RBPJ: variants seen among roughly 807,000 people sequenced by gnomAD.
RBPJ encodes the protein recombining binding protein suppressor of hairless.
RBPJ carries 9 observed loss-of-function variants against 67.8 expected under a neutral mutation model. That is an observed-to-expected ratio of 0.13 (90% CI 0.08 to 0.23). The LOEUF (loss-of-function observed/expected upper bound fraction) is 0.23. RBPJ is among the 10% of genes least tolerant of loss of function. RBPJ has a pLI of 1.00. For missense variants in RBPJ, 305 were observed against 595.6 expected, an observed-to-expected ratio of 0.51 and a Z score of 5.08; for synonymous variants, 198 against 203.3, an observed-to-expected ratio of 0.97 and a Z score of 0.22.
chr4:26,134,570 C>G, the RBPJ span, among the ~76,000 whole-genome samples: 56 of 152,266 alleles, frequency 3.7e-4, no homozygotes, highest in African/African-American at 1.3e-3. Context: ...GCCAGAAGAC[C>G]CACATGGGTG....
chr4:26,203,997 T>C (rs1213982279), intron 1 of RBPJ, among the ~76,000 whole-genome samples: 1 of 151,824 alleles, frequency 6.6e-6, no homozygotes, highest in African/African-American at 2.4e-5. Context: ...GGGGCTGGAG[T>C]GTAGTGGTGT....
intron 1 of RBPJ, among the ~76,000 whole-genome samples, chr4:26,361,771 T>G (rs966533762): frequency 4.6e-5 from 7 of 152,184 alleles, no homozygotes; most frequent in African/African-American, 7.2e-5. Context: ...ATTTAAAATG[T>G]GATACATACA....
intron 3 of RBPJ, among the ~76,000 whole-genome samples, chr4:26,411,034 T>C (rs1733957344): frequency 6.6e-6 from 1 of 152,224 alleles, no homozygotes; most frequent in Non-Finnish European, 1.5e-5. Context: ...GACTTTTCAC[T>C]GAGTGTTTGA....
chr4:26,384,998 C>G (rs1432699744), intron 1 of RBPJ, among the ~76,000 whole-genome samples: 9 of 99,406 alleles, frequency 9.1e-5, no homozygotes, highest in Non-Finnish European at 1.4e-4. Context: ...TCTCCCCTCT[C>G]CTCCCCTCCC....
chr4:26,428,752 A>T lies in RBPJ; in HGVS notation c.780A>T (p.Leu260Phe), dbSNP rs1181185082. The T allele has an allele frequency of 1.3e-5, 21 of 1,610,548 alleles. No homozygotes were observed. Among genetic ancestry groups the T allele is most frequent in the Non-Finnish European group, 1.7e-5 (20 of 1,177,782 alleles). The stretch of plus-strand genomic sequence containing the variant: ...GGAAAGTTGATAAGCAGACCGCATT[A>T]TTGGATGCAGATGATCCTGTGTCAC... The part of the protein sequence containing the change: ...IIRKVDKQTA[L>F]LDADDPVSQL... Residue 260 changes from leucine to phenylalanine, a missense_variant, in exon 8 of 11, where the codon TTA becomes TTT. Leu to Phe is a conservative substitution (Grantham distance 22, BLOSUM62 0). Transcript: ENST00000355476.
intron 1 of RBPJ, among the ~76,000 whole-genome samples, chr4:26,227,003 G>T (rs1446914887): frequency 6.6e-6 from 1 of 152,146 alleles, no homozygotes; most frequent in African/African-American, 2.4e-5. Flanking sequence ...CCTGTAAGTG[G>T]CTCTTTTGTA....
At chr4:26,312,733 T>G (rs1325096738) in intron 1 of RBPJ, among the ~76,000 whole-genome samples, 1 of 152,204 alleles carries the variant, frequency 6.6e-6, no homozygotes, top group Non-Finnish European at 1.5e-5. Context: ...CCACTGCAAC[T>G]GGTCTGTGTA....
At chr4:26,315,502 G>C (rs555171195), upstream of RBPJ, among the ~76,000 whole-genome samples, 2 of 152,176 alleles carry the variant, frequency 1.3e-5, no homozygotes, top group South Asian at 4.1e-4. Context: ...ACATGCTTCT[G>C]AGGAAACAGG....
chr4:26,181,239 G>GT (rs141724204), intron 1 of RBPJ, among the ~76,000 whole-genome samples: 2,793 of 152,258 alleles, frequency 0.018, 37 homozygotes, highest in Middle Eastern at 0.031. Context: ...GTTTCTCACT[G>GT]TAAGTCTGCG....
At chr4:26,221,986 T>C (rs2109192280) in intron 1 of RBPJ, among the ~76,000 whole-genome samples, 1 of 151,776 alleles carries the variant, frequency 6.6e-6, no homozygotes, top group East Asian at 1.9e-4. Flanking sequence ...AACTGAGAGG[T>C]GCTAATGGGT....
At chr4:26,349,303 C>T (rs982063030) in intron 1 of RBPJ, among the ~76,000 whole-genome samples, 10 of 152,120 alleles carry the variant, frequency 6.6e-5, no homozygotes, top group Non-Finnish European at 8.8e-5. Context: ...AACTTCTGGA[C>T]GCAAGTGATC....
At chr4:26,109,453 T>TACACACACATATATATATA in the RBPJ span, among the ~76,000 whole-genome samples, 1 of 39,212 alleles carries the variant, frequency 2.6e-5, no homozygotes, top group African/African-American at 1.7e-4. Flanking sequence ...TCTCTCTCTC[T>TACACACACATATATATATA]CTCTCTCTAT....
At chr4:26,334,693 C>T (rs1035715188) in intron 1 of RBPJ, among the ~76,000 whole-genome samples, 3 of 152,148 alleles carry the variant, frequency 2.0e-5, no homozygotes, top group African/African-American at 7.2e-5. Flanking sequence ...CTGATTTTCA[C>T]CCCAGGCCAT....
At chr4:26,398,344 A>C (rs1317395628) in intron 2 of RBPJ, among the ~76,000 whole-genome samples, 2 of 152,064 alleles carry the variant, frequency 1.3e-5, no homozygotes, top group Non-Finnish European at 2.9e-5. Context: ...GTGGTGAGAA[A>C]GTGAGGAAGT....
intron 1 of RBPJ, among the ~76,000 whole-genome samples, chr4:26,349,072 TTG>T (rs752007042): frequency 4.4e-5 from 6 of 136,842 alleles, no homozygotes; most frequent in East Asian, 2.2e-4. Context: ...CATCACAAGT[TTG>T]TGTGTGTGTG....
At chr4:26,159,924 T>TC (rs763216439), upstream of RBPJ, among the ~76,000 whole-genome samples, 115 of 129,156 alleles carry the variant, frequency 8.9e-4, no homozygotes, top group African/African-American at 1.9e-3. Context: ...TCTCTCTCTC[T>TC]TTTTTTTTTT....
chr4:26,357,046 G>A (rs1200419483), intron 1 of RBPJ, among the ~76,000 whole-genome samples: 3 of 152,184 alleles, frequency 2.0e-5, no homozygotes, highest in Non-Finnish European at 4.4e-5. Flanking sequence ...TAGAGTATGG[G>A]AAGCAGAAGG....
intron 1 of RBPJ, among the ~76,000 whole-genome samples, chr4:26,219,271 G>T (rs1490183430): frequency 2.6e-5 from 4 of 152,306 alleles, no homozygotes; most frequent in South Asian, 2.1e-4. Flanking sequence ...GGGTGGCAAG[G>T]TTACCTGGGG....
At chr4:26,312,562 TTG>T (rs1290411189) in intron 1 of RBPJ, among the ~76,000 whole-genome samples, 1 of 152,216 alleles carries the variant, frequency 6.6e-6, no homozygotes, top group Non-Finnish European at 1.5e-5. Context: ...TTTCCTGTGC[TTG>T]TCATGCTTCC....
Sources: allele counts gnomAD v4.1 joint callset (sites outside exome capture counted in the v4.1 genomes callset), GRCh38; gene constraint gnomAD v4.1.1; transcripts MANE v1.5; gene names NCBI Gene and HGNC (gene_info 2026-07-23, HGNC 2026-07-21).